PLAC1: variants seen among roughly 807,000 people sequenced by gnomAD.
PLAC1 encodes the protein placenta-specific protein 1.
For synonymous variants in PLAC1, 68 were observed against 62.1 expected (o/e 1.09, Z -0.44); for missense variants, 136 against 163.2 (o/e 0.83, Z 0.91).
chrX:134,757,576 C>CA (rs200884197), intron 1 of PLAC1, among the ~76,000 whole-genome samples: 213 of 110,890 alleles, frequency 1.9e-3, no homozygotes, highest in Non-Finnish European at 3.0e-3. Context: ...TTGAAACAAA[C>CA]AAAAAAAAGC....
rs1312921864 is a variant in PLAC1 at position 134,632,501 on chromosome X, CA to C, written c.-131+25826del. Among the ~76,000 whole-genome samples the C allele has an allele frequency of 4.5e-5, 5 of 111,134 alleles. No homozygotes were observed. The East Asian group carries it at 1.4e-3, about 31-fold the overall frequency. ...CATCGCTACTGCTTTGGGTCAGGGCCATATTTCCTCATCTCCCAGGGCAACA... is the reference window on the plus strand; with the variant it reads ...CATCGCTACTGCTTTGGGTCAGGGCCTATTTCCTCATCTCCCAGGGCAACA... On this transcript the variant is annotated intron_variant, in intron 1 of 2. Coordinates refer to ENST00000359237, the MANE Select transcript of PLAC1 (RefSeq NM_021796.4).
chrX:134,733,160 C>T (rs1398769371), intron 2 of PLAC1, among the ~76,000 whole-genome samples: 1 of 110,935 alleles, frequency 9.0e-6, no homozygotes, highest in Non-Finnish European at 1.9e-5. Flanking sequence ...TATTTCATTT[C>T]AGGGGGCTTC....
chrX:134,724,000 A>G (rs1313926942), intron 2 of PLAC1, among the ~76,000 whole-genome samples: 1 of 105,851 alleles, frequency 9.4e-6, no homozygotes, highest in Non-Finnish European at 2.0e-5. Context: ...AAAAAAAAAC[A>G]TAAAACAAAT....
intron 2 of PLAC1, among the ~76,000 whole-genome samples, chrX:134,675,502 C>A (rs1019108655): frequency 9.0e-6 from 1 of 111,331 alleles, no homozygotes; most frequent in African/African-American, 3.3e-5. Flanking sequence ...CCCGTCTCTG[C>A]TAAAAATACA....
intron 1 of PLAC1, among the ~76,000 whole-genome samples, chrX:134,613,072 C>G (rs2078161949): frequency 9.0e-6 from 1 of 110,749 alleles, no homozygotes; most frequent in Non-Finnish European, 1.9e-5. Flanking sequence ...GTAACCCCAG[C>G]AACTCGGGAG....
intron 1 of PLAC1, among the ~76,000 whole-genome samples, chrX:134,754,758 CTTTTTTTTTT>C (rs760098539): frequency 3.0e-5 from 2 of 66,164 alleles, no homozygotes; most frequent in African/African-American, 1.2e-4. Flanking sequence ...ATTTATTGTT[CTTTTTTTTTT>C]TTTTTTTTTT....
At chrX:134,656,516 C>CT (rs760159251) in intron 1 of PLAC1, among the ~76,000 whole-genome samples, 2 of 112,082 alleles carry the variant, frequency 1.8e-5, no homozygotes, top group Non-Finnish European at 3.8e-5. Flanking sequence ...TTCCATAGCA[C>CT]TTGTGGTCTA....
intron 2 of PLAC1, among the ~76,000 whole-genome samples, chrX:134,599,288 A>T (rs1486895111): frequency 1.8e-5 from 2 of 111,492 alleles, no homozygotes; most frequent in Non-Finnish European, 3.8e-5. Flanking sequence ...TGTAGTTCTC[A>T]TAATCTCCAA....
chrX:134,702,383 G>T (rs1206432417), intron 2 of PLAC1, among the ~76,000 whole-genome samples: 1 of 112,033 alleles, frequency 8.9e-6, no homozygotes, highest in Non-Finnish European at 1.9e-5. Flanking sequence ...AAGAAAATGT[G>T]GTGCATATAC....
chrX:134,598,552 C>T (rs774703651), intron 2 of PLAC1, among the ~76,000 whole-genome samples: 1 of 112,201 alleles, frequency 8.9e-6, no homozygotes, highest in Non-Finnish European at 1.9e-5. Context: ...ATGCTAATTG[C>T]CCCTGAATGA....
In PLAC1 at chrX:134,566,647, G is replaced by A. The variant is rs771343834; in HGVS notation, c.36C>T (p.Leu12=). 2.5e-6 allele frequency: 3 copies of A among 1,204,262 alleles called. No homozygotes were observed. The East Asian group carries it at 8.9e-5, about 36-fold the overall frequency. ...KVFKFIGLMI[L]LTSAFSAGSG... is the part of the protein sequence containing the mutation. Reference sequence around the variant, plus strand: ...AACCGGCTGAAAACGCAGAGGTGAGGAGGATCATCAGTCCTATGAACTTAA... The same window carrying A: ...AACCGGCTGAAAACGCAGAGGTGAGAAGGATCATCAGTCCTATGAACTTAA... Residue 12 remains leucine (L), a synonymous_variant, in exon 3 of 3, where the codon CTC becomes CTT. Coordinates refer to ENST00000359237, the MANE Select transcript of PLAC1 (RefSeq NM_021796.4).
At position 134,664,512 on chromosome X, in the gene PLAC1, A is replaced by G. The variant is rs749924741; in HGVS notation, n.175-62390T>C. The stretch of plus-strand genomic sequence containing the variant: ...AGCCTGCACCACTTCAGCTTTGGGG[A>G]GCATCAGGTACATTCCCATCAGAAA... On this transcript the variant is annotated intron_variant and non_coding_transcript_variant, in intron 2 of 2. Coordinates refer to the PLAC1 transcript ENST00000466797. Among the ~76,000 whole-genome samples, 7 of 111,740 alleles carry G rather than the reference A, an allele frequency of 6.3e-5. No homozygotes were observed. The South Asian group carries it at 2.6e-3, about 42-fold the overall frequency.
chrX:134,571,185 G>A (rs774545967), intron 2 of PLAC1, among the ~76,000 whole-genome samples: 5 of 112,010 alleles, frequency 4.5e-5, no homozygotes, highest in East Asian at 2.8e-4. Context: ...CTCCCCCATC[G>A]TTAAATTTTT....
At chrX:134,722,837 T>G (rs1387571546) in intron 2 of PLAC1, among the ~76,000 whole-genome samples, 1 of 111,110 alleles carries the variant, frequency 9.0e-6, no homozygotes, top group Non-Finnish European at 1.9e-5. Context: ...ATTCAGCCCT[T>G]AAATATATTA....
chrX:134,609,097 C>T (rs762215191), intron 1 of PLAC1, among the ~76,000 whole-genome samples: 2 of 110,956 alleles, frequency 1.8e-5, no homozygotes, highest in African/African-American at 6.6e-5. Flanking sequence ...CTCAGCCTCT[C>T]AAAGTGTTAG....
chrX:134,626,242 C>T (rs774712390), intron 1 of PLAC1, among the ~76,000 whole-genome samples: 44 of 111,903 alleles, frequency 3.9e-4, no homozygotes, highest in African/African-American at 1.4e-3. Flanking sequence ...TTTTCTTTTG[C>T]CATCTGTAAT....
chrX:134,696,826 A>T (rs1471006122), intron 2 of PLAC1, among the ~76,000 whole-genome samples: 1 of 109,737 alleles, frequency 9.1e-6, no homozygotes, highest in Non-Finnish European at 1.9e-5. Context: ...CAGGAGATCG[A>T]GACCATCCTG....
chrX:134,573,433 C>T (rs1163752175), intron 2 of PLAC1, among the ~76,000 whole-genome samples: 1 of 111,427 alleles, frequency 9.0e-6, no homozygotes, highest in Non-Finnish European at 1.9e-5. Flanking sequence ...CCTCTCAACT[C>T]CACGGCAGCC....
intron 1 of PLAC1, among the ~76,000 whole-genome samples, chrX:134,762,202 C>A (rs960646336): frequency 9.3e-6 from 1 of 107,921 alleles, no homozygotes; most frequent in Admixed American, 9.8e-5. Flanking sequence ...AGGCACCCCC[C>A]CCCCAATGAC....
Sources: allele counts gnomAD v4.1 joint callset (sites outside exome capture counted in the v4.1 genomes callset), GRCh38; gene constraint gnomAD v4.1.1; transcripts MANE v1.5; gene names NCBI Gene and HGNC (gene_info 2026-07-23, HGNC 2026-07-21).